GUCY1A2: variants seen among roughly 807,000 people sequenced by gnomAD.
GUCY1A2 encodes the protein guanylate cyclase 1 soluble subunit alpha 2, also known as guanylate cyclase soluble subunit alpha-2.
A neutral mutation model predicts 63.5 loss-of-function variants in GUCY1A2; 27 were observed. The ratio of observed to expected loss-of-function variants is 0.43; its 90% CI spans 0.31 to 0.59. The LOEUF (loss-of-function observed/expected upper bound fraction) is 0.59. Among genes scored for constraint, GUCY1A2 ranks in the 20% least tolerant of loss-of-function variants. GUCY1A2 has a pLI of 0.11. For synonymous variants in GUCY1A2, 364 were observed against 343.5 expected, an observed-to-expected ratio of 1.06 and a Z score of -0.66; for missense variants, 768 against 913.3, an observed-to-expected ratio of 0.84 and a Z score of 2.05.
At chr11:106,740,674 G>GTATGTATGTATGTATGTATA (rs1348683469) in intron 6 of GUCY1A2, among the ~76,000 whole-genome samples, 2 of 120,686 alleles carry the variant, frequency 1.7e-5, no homozygotes, top group Non-Finnish European at 4.0e-5. Context: ...ATGTATGTAT[G>GTATGTATGTATGTATGTATA]TATGTATGTA....
chr11:106,825,168 GA>G (rs1251656108), intron 4 of GUCY1A2, among the ~76,000 whole-genome samples: 1 of 152,052 alleles, frequency 6.6e-6, no homozygotes. Flanking sequence ...TAAAACAAGG[GA>G]AAAATTTTTA....
chr11:106,735,685 T>A (rs1017518052), intron 6 of GUCY1A2, among the ~76,000 whole-genome samples: 2 of 152,128 alleles, frequency 1.3e-5, no homozygotes, highest in Non-Finnish European at 2.9e-5. Context: ...TAGTTTTATT[T>A]TTAGATTTTT....
Position 106,747,309 on chromosome 11 carries a change from A to C in GUCY1A2, c.1836+29130T>G, listed in dbSNP as rs114927340. On this transcript the variant is annotated intron_variant, in intron 6 of 7. Transcript: ENST00000526355. The stretch of plus-strand genomic sequence containing the variant: ...GGCCCATGAAATAATAAATGTGAGA[A>C]ATTCTAGGTTTGAAAAGTTAAATAA... 9.3e-3 allele frequency among the ~76,000 whole-genome samples: 1,420 copies of C among 152,248 alleles called. 26 individuals carry two copies. Among genetic ancestry groups the C allele is most frequent in the African/African-American group, 0.033 (1,365 of 41,546 alleles).
At chr11:106,717,782 T>G (rs1429137475) in intron 6 of GUCY1A2, among the ~76,000 whole-genome samples, 1 of 152,176 alleles carries the variant, frequency 6.6e-6, no homozygotes, top group Non-Finnish European at 1.5e-5. Context: ...TTAGTTAAAA[T>G]GTATCATAAA....
At chr11:106,873,845 A>G (rs1859713651) in intron 4 of GUCY1A2, among the ~76,000 whole-genome samples, 1 of 152,274 alleles carries the variant, frequency 6.6e-6, no homozygotes, top group African/African-American at 2.4e-5. Context: ...TTCTTCACCA[A>G]TAGACTAGTT....
At chr11:106,952,204 T>C (rs188471558) in intron 3 of GUCY1A2, among the ~76,000 whole-genome samples, 1 of 152,328 alleles carries the variant, frequency 6.6e-6, no homozygotes, top group African/African-American at 2.4e-5. Context: ...TTGCTTAGGA[T>C]TGTCTTGACT....
intron 4 of GUCY1A2, among the ~76,000 whole-genome samples, chr11:106,907,146 T>TGAG (rs1461223635): frequency 6.6e-6 from 1 of 152,132 alleles, no homozygotes; most frequent in African/African-American, 2.4e-5. Context: ...ACTCCATTTC[T>TGAG]GAGCCTCCTG....
At chr11:106,728,255 T>C (rs528087275) in intron 6 of GUCY1A2, among the ~76,000 whole-genome samples, 1 of 152,288 alleles carries the variant, frequency 6.6e-6, no homozygotes, top group East Asian at 1.9e-4. Flanking sequence ...ACTCGTGTCA[T>C]ACAACTTCTC....
At chr11:106,920,178 C>T (rs1027868925) in intron 4 of GUCY1A2, among the ~76,000 whole-genome samples, 8 of 151,560 alleles carry the variant, frequency 5.3e-5, no homozygotes, top group African/African-American at 1.9e-4. Flanking sequence ...CACGCACACA[C>T]CAGGGCAATA....
At chr11:106,838,065 C>T (rs1170547942) in intron 4 of GUCY1A2, among the ~76,000 whole-genome samples, 3 of 151,896 alleles carry the variant, frequency 2.0e-5, no homozygotes, top group African/African-American at 7.2e-5. Flanking sequence ...TGTCTCTGTC[C>T]TATCCATTCT....
At chr11:106,710,367 T>C (rs1863093805) in intron 6 of GUCY1A2, among the ~76,000 whole-genome samples, 1 of 116,306 alleles carries the variant, frequency 8.6e-6, no homozygotes, top group Non-Finnish European at 1.7e-5. Flanking sequence ...TACATGTATA[T>C]AATATAGTTA....
chr11:106,841,853 A>G (rs750664434), intron 4 of GUCY1A2, among the ~76,000 whole-genome samples: 3 of 151,934 alleles, frequency 2.0e-5, no homozygotes, highest in African/African-American at 7.3e-5. Flanking sequence ...TTCCATTAGA[A>G]TTTTACTTTA....
At chr11:107,004,936 T>G (rs1455160054) in intron 1 of GUCY1A2, among the ~76,000 whole-genome samples, 3 of 152,166 alleles carry the variant, frequency 2.0e-5, no homozygotes, top group African/African-American at 7.2e-5. Flanking sequence ...GAGTACAAGA[T>G]GAGGTTAGAG....
intron 4 of GUCY1A2, among the ~76,000 whole-genome samples, chr11:106,918,539 T>C (rs1860398796): frequency 6.9e-6 from 1 of 145,414 alleles, no homozygotes; most frequent in African/African-American, 2.4e-5. Flanking sequence ...AAATTCTCTC[T>C]TCCACACGTG....
At chr11:106,888,340 C>A (rs557624688) in intron 4 of GUCY1A2, among the ~76,000 whole-genome samples, 203 of 151,766 alleles carry the variant, frequency 1.3e-3, no homozygotes, top group Non-Finnish European at 1.9e-3. Context: ...TGGCGGGTGC[C>A]TGTAGTCCCA....
At chr11:106,746,500 T>C (rs567158223) in intron 6 of GUCY1A2, 3 of 909,750 alleles carry the variant, frequency 3.3e-6, no homozygotes, top group Non-Finnish European at 5.3e-6. Context: ...ATAACCAATA[T>C]GCATAGCTGT....
At position 106,675,522 on chromosome 11, in the gene GUCY1A2, C is replaced by T. The variant is rs1462463521; in HGVS notation, c.*12027G>A. The T allele has an allele frequency of 1.0e-5, 2 of 198,198 alleles. No homozygotes were observed. Among genetic ancestry groups the T allele is most frequent in the African/African-American group, 4.6e-5 (2 of 43,266 alleles). 12.3% of individuals were successfully genotyped at this position (198,198 alleles called of 1,614,324 possible). ...GGGCCTTCAATAACTTAGTAGAAGG[C>T]AATAAAATAGAGGGAAAAATGGGAC... On this transcript the variant is annotated 3_prime_UTR_variant, in exon 8 of 8. Coordinates refer to ENST00000526355, the MANE Select transcript of GUCY1A2 (RefSeq NM_000855.3).
chr11:106,736,161 CT>C (rs1863585949), intron 6 of GUCY1A2, among the ~76,000 whole-genome samples: 1 of 151,934 alleles, frequency 6.6e-6, no homozygotes, highest in African/African-American at 2.4e-5. Context: ...TCCATTTTTG[CT>C]TTGGTCACCA....
chr11:106,832,732 GAACCTATAT>G (rs1859068384), intron 4 of GUCY1A2, among the ~76,000 whole-genome samples: 1 of 151,958 alleles, frequency 6.6e-6, no homozygotes, highest in South Asian at 2.1e-4. Context: ...AATAATAAAT[GAACCTATAT>G]AACACAATTG....
Sources: gnomAD v4.1 joint callset for allele counts (sites outside exome capture counted in the v4.1 genomes callset) on GRCh38, gnomAD v4.1.1 for gene constraint, MANE v1.5 for transcripts, NCBI Gene and HGNC (gene_info 2026-07-23, HGNC 2026-07-21) for gene names.